The following KLHL1 variants were observed in gnomAD, a reference collection of about 807,000 sequenced individuals.
KLHL1 encodes kelch like family member 1, also known as kelch-like protein 1.
Under a neutral mutation model 77.7 loss-of-function variants are expected in KLHL1, and 47 were observed. The ratio of observed to expected loss-of-function variants is 0.60; its 90% CI spans 0.48 to 0.77. KLHL1 has a LOEUF of 0.77. KLHL1 is among the 30% of genes least tolerant of loss of function. The pLI is 0.00. For synonymous variants in KLHL1, 360 were observed against 325.2 expected, an observed-to-expected ratio of 1.11 and a Z score of -1.15; for missense variants, 925 against 910.8, an observed-to-expected ratio of 1.02 and a Z score of -0.20.
chr13:69,903,966 A>C (rs1362270031), intron 4 of KLHL1, among the ~76,000 whole-genome samples: 1 of 151,168 alleles, frequency 6.6e-6, no homozygotes, highest in East Asian at 1.9e-4. Flanking sequence ...ATTTTTTTTT[A>C]TGTTCATTGA....
intron 9 of KLHL1, among the ~76,000 whole-genome samples, chr13:69,708,169 T>G (rs896887013): frequency 8.6e-5 from 13 of 152,000 alleles, no homozygotes; most frequent in African/African-American, 3.1e-4. Context: ...GTTAAAAATC[T>G]GGGAGCATTG....
At chr13:69,813,481 T>TACACAC (rs141973704) in intron 6 of KLHL1, among the ~76,000 whole-genome samples, 29,257 of 146,174 alleles carry the variant, frequency 0.2, 3,030 homozygotes, top group South Asian at 0.3. Flanking sequence ...TACACACACA[T>TACACAC]ACACACACAC....
At chr13:69,784,095 G>A (rs149899069) in intron 7 of KLHL1, among the ~76,000 whole-genome samples, 36,986 of 151,826 alleles carry the variant, frequency 0.24, 4,623 homozygotes, top group South Asian at 0.34. Context: ...AGCCTCATAA[G>A]TGAAGGAGAA....
intron 2 of KLHL1, among the ~76,000 whole-genome samples, chr13:69,968,045 G>A (rs1051150678): frequency 6.6e-6 from 1 of 152,008 alleles, no homozygotes; most frequent in African/African-American, 2.4e-5. Context: ...TAAAAAAATT[G>A]TGAAAGGAGA....
Position 70,107,242 on chromosome 13 carries a change from T to C in KLHL1, c.458A>G (p.Asp153Gly). The C allele has an allele frequency of 6.2e-7, 1 of 1,613,792 alleles. No homozygotes were observed. Among genetic ancestry groups the C allele is most frequent in the Non-Finnish European group, 8.5e-7 (1 of 1,179,816 alleles). ...TTCACCTGTTGCCTGGCTAGAGTTG[T>C]CTGGCTCCACTTTGAGCTCTTGCAG... Reference protein sequence around the residue: ...LVLQELKVEPDNSSQATGEGC... With the variant: ...LVLQELKVEPGNSSQATGEGC... The change falls in exon 1 of 11, where the codon GAC becomes GGC. Residue 153 changes from aspartate to glycine, a missense_variant. By Grantham distance (94) the Asp-to-Gly change is moderately conservative. Transcript: ENST00000377844.
At chr13:69,890,853 TA>T (rs1488700309) in intron 4 of KLHL1, among the ~76,000 whole-genome samples, 1 of 152,070 alleles carries the variant, frequency 6.6e-6, no homozygotes, top group Non-Finnish European at 1.5e-5. Context: ...AATCAGCAGA[TA>T]TTTTTTGACT....
chr13:69,930,440 T>G (rs1392874317), intron 4 of KLHL1, among the ~76,000 whole-genome samples: 2 of 151,838 alleles, frequency 1.3e-5, no homozygotes, highest in Admixed American at 6.6e-5. Context: ...AACCAAGCTT[T>G]AGAGTACTTG....
intron 7 of KLHL1, among the ~76,000 whole-genome samples, chr13:69,773,719 T>G (rs1391129470): frequency 6.6e-6 from 1 of 151,856 alleles, no homozygotes; most frequent in East Asian, 1.9e-4. Context: ...TTTAATAAAA[T>G]TTTTGAAAAT....
At chr13:70,025,092 C>T (rs566357227) in intron 1 of KLHL1, among the ~76,000 whole-genome samples, 32 of 151,940 alleles carry the variant, frequency 2.1e-4, no homozygotes, top group Admixed American at 4.6e-4. Context: ...AGAAATATAA[C>T]CAGGTCAGAG....
At chr13:70,097,139 C>G (rs1887811279) in intron 1 of KLHL1, among the ~76,000 whole-genome samples, 1 of 151,954 alleles carries the variant, frequency 6.6e-6, no homozygotes, top group Non-Finnish European at 1.5e-5. Context: ...AACTTCCCCC[C>G]ACTATCTTTA....
chr13:69,780,593 AGTCT>A (rs1275438878), intron 7 of KLHL1, among the ~76,000 whole-genome samples: 4 of 149,068 alleles, frequency 2.7e-5, no homozygotes, highest in East Asian at 2.0e-4. Flanking sequence ...ATTTTTTTTC[AGTCT>A]GTCTATTCAT....
chr13:69,946,617 ATCC>A (rs1883534015), intron 3 of KLHL1, among the ~76,000 whole-genome samples: 1 of 152,072 alleles, frequency 6.6e-6, no homozygotes, highest in Admixed American at 6.6e-5. Flanking sequence ...GGCTCAAGTT[ATCC>A]TCTTGCCTCA....
At chr13:69,969,929 C>T (rs906565248) in intron 2 of KLHL1, among the ~76,000 whole-genome samples, 1 of 10,762 alleles carries the variant, frequency 9.3e-5, no homozygotes, top group African/African-American at 2.8e-4. Flanking sequence ...TCCTTCAAAT[C>T]GATTAAACTT....
intron 8 of KLHL1, among the ~76,000 whole-genome samples, chr13:69,735,740 T>A (rs555004128): frequency 1.3e-5 from 2 of 151,698 alleles, no homozygotes; most frequent in African/African-American, 4.8e-5. Flanking sequence ...AATTTAGAGA[T>A]CCCACATCTT....
At chr13:69,997,995 ATAG>A (rs1215336722) in intron 1 of KLHL1, among the ~76,000 whole-genome samples, 1 of 151,882 alleles carries the variant, frequency 6.6e-6, no homozygotes, top group African/African-American at 2.4e-5. Context: ...GAATTACATG[ATAG>A]TTCTACTTTA....
At chr13:69,882,074 C>A (rs1881019259) in intron 5 of KLHL1, among the ~76,000 whole-genome samples, 1 of 152,014 alleles carries the variant, frequency 6.6e-6, no homozygotes, top group Non-Finnish European at 1.5e-5. Flanking sequence ...TTACAAGTGG[C>A]CATGAGTCAA....
intron 4 of KLHL1, among the ~76,000 whole-genome samples, chr13:69,896,767 C>A (rs373609195): frequency 1.9e-4 from 29 of 151,496 alleles, no homozygotes; most frequent in African/African-American, 6.5e-4. Context: ...TTCCTGGGTT[C>A]AAGCAATTCT....
intron 1 of KLHL1, among the ~76,000 whole-genome samples, chr13:69,991,423 G>A (rs1273370095): frequency 6.6e-6 from 1 of 151,620 alleles, no homozygotes; most frequent in Non-Finnish European, 1.5e-5. Context: ...AAACAGGATA[G>A]GCTGCTAGCT....
intron 1 of KLHL1, among the ~76,000 whole-genome samples, chr13:70,057,100 A>G (rs1566538703): frequency 6.6e-6 from 1 of 152,182 alleles, no homozygotes; most frequent in Non-Finnish European, 1.5e-5. Context: ...AGATAAAAAA[A>G]CATTACAACT....
Sources: gnomAD v4.1 joint callset for allele counts (sites outside exome capture counted in the v4.1 genomes callset) on GRCh38, gnomAD v4.1.1 for gene constraint, MANE v1.5 for transcripts, NCBI Gene and HGNC (gene_info 2026-07-23, HGNC 2026-07-21) for gene names.